The following LACTB variants were observed in gnomAD, a reference collection of about 807,000 sequenced individuals.
LACTB encodes lactamase beta, also known as serine beta-lactamase-like protein LACTB, mitochondrial.
LACTB carries 35 observed loss-of-function variants against 50.2 expected under a neutral mutation model. The observed-to-expected ratio is 0.70, with a 90% CI of 0.53 to 0.92. The LOEUF is 0.92. LACTB is among the 40% of genes least tolerant of loss of function. The pLI, the probability that LACTB is intolerant of heterozygous loss-of-function variation, is 0.00. For missense variants in LACTB, 664 were observed against 691.8 expected, an observed-to-expected ratio of 0.96 and a Z score of 0.45; for synonymous variants, 252 against 268.2, an observed-to-expected ratio of 0.94 and a Z score of 0.59.
intron 5 of LACTB, among the ~76,000 whole-genome samples, chr15:63,134,838 G>GTT (rs2037162400): frequency 6.6e-6 from 1 of 151,502 alleles, no homozygotes; most frequent in South Asian, 2.1e-4. Context: ...GTGTGTGTGT[G>GTT]TTTTCATTCA....
At chr15:63,130,515 G>GAAAAAAAAAAAA (rs34509023) in intron 5 of LACTB, 1 of 90,848 alleles carries the variant, frequency 1.1e-5, no homozygotes. Context: ...GTCAAAAAAG[G>GAAAAAAAAAAAA]AAAAAAAAAA....
chr15:63,130,573 T>C (rs2652822), intron 5 of LACTB: 60,911 of 151,356 alleles, frequency 0.4, 13,319 homozygotes, highest in Non-Finnish European at 0.51. Context: ...ATGCTTTTAT[T>C]AAATCTACAG....
intron 5 of LACTB, 192 bp from the exon 6 acceptor site, chr15:63,141,088 A>T (rs1330829776): frequency 3.1e-6 from 3 of 983,454 alleles, no homozygotes; most frequent in Non-Finnish European, 3.6e-6. Flanking sequence ...AGGTAATTAG[A>T]CTATCTTACT....
chr15:63,142,032 A>G lies in LACTB; in HGVS notation c.*227A>G. On this transcript the variant is annotated 3_prime_UTR_variant, in exon 6 of 6. Transcript: ENST00000261893. Reference sequence around the variant, plus strand: ...TTTTTACTTTTTGAAAAAAGTGTTAACTCTTGAAATAAAATATTCTGATAA... The same window carrying G: ...TTTTTACTTTTTGAAAAAAGTGTTAGCTCTTGAAATAAAATATTCTGATAA... 1 of 446,274 alleles carries G rather than the reference A, an allele frequency of 2.2e-6. No individual in the cohort carries two copies. The highest frequency in any genetic ancestry group is 3.3e-5 in the East Asian group (1 of 29,934). The allele number at this position is 446,274 out of a possible 1,614,324, so 27.6% of individuals were successfully genotyped here. A position where few individuals can be genotyped will look rare whatever the true frequency, so the allele number is the denominator to read the frequency against.
At chr15:63,141,134 T>G (rs779005529) in intron 5 of LACTB, 146 bp from the exon 6 acceptor site, 2 of 1,428,824 alleles carry the variant, frequency 1.4e-6, no homozygotes, top group Non-Finnish European at 1.8e-6. Flanking sequence ...TGAATCATAC[T>G]GAAAATTAGT....
chr15:63,122,012 GC>G lies in LACTB; in HGVS notation c.142del (p.Leu48TrpfsTer7). The G allele has an allele frequency of 7.2e-7, 1 of 1,395,824 alleles. No homozygotes were observed. The highest frequency in any genetic ancestry group is 9.2e-7 in the Non-Finnish European group (1 of 1,084,330). The allele number at this position is 1,395,824 out of a possible 1,614,324, so 86.5% of individuals were successfully genotyped here. A position where few individuals can be genotyped will look rare whatever the true frequency, so the allele number is the denominator to read the frequency against. ...HGWVGGLGLGLGLALGVKLAG... is the reference protein window; with the variant it reads ...HGWVGGLGLGXGLALGVKLAG... The stretch of plus-strand genomic sequence containing the variant: ...GCTGGGTCGGGGGCCTCGGGCTGGG[GC>G]TGGGGCTGGCGCTCGGGGTGAAGCT... On this transcript the variant is annotated frameshift_variant, in exon 1 of 6. Transcript: ENST00000261893. LOFTEE classifies it high-confidence loss of function.
Position 63,122,233 on chromosome 15 carries a change from G to A in LACTB, c.357+5G>A. Reference sequence around the variant, plus strand: ...GACCTGCTGCACAGGATCAAGGTGCGGCCACTGGAGCGGGGGGCGTAGGGG... The same window carrying A: ...GACCTGCTGCACAGGATCAAGGTGCAGCCACTGGAGCGGGGGGCGTAGGGG... On this transcript the variant is annotated splice_donor_5th_base_variant and intron_variant, in intron 1 of 5. Transcript: ENST00000261893. 2.6e-6 allele frequency: 4 copies of A among 1,550,474 alleles called. No individual in the cohort carries two copies. The highest frequency in any genetic ancestry group is 1.4e-5 in the African/African-American group (1 of 73,462).
At position 63,141,598 on chromosome 15, in the gene LACTB, A is replaced by G. The variant is rs749344947; in HGVS notation, c.1437A>G (p.Gln479=). The G allele has an allele frequency of 1.2e-6, 2 of 1,614,194 alleles. No individual in the cohort carries two copies. Among genetic ancestry groups the G allele is most frequent in the Non-Finnish European group, 1.7e-6 (2 of 1,180,024 alleles). ...RKQTYGSCRK[Q]RHYASHTGGA... ...AAACGTATGGTTCGTGTAGAAAGCA[A>G]CGGCATTATGCTTCACATACTGGAG... Residue 479 remains glutamine (Q), a synonymous_variant, in exon 6 of 6, where the codon CAA becomes CAG. Transcript: ENST00000261893.
Position 63,140,909 on chromosome 15 carries a change from C to G in LACTB, c.1119-371C>G, listed in dbSNP as rs898010645. Reference sequence around the variant, plus strand: ...TTTGTGGCACGATGCAACATTAACCCCAAGGACAAGGAATATCTACCAAAT... The same window carrying G: ...TTTGTGGCACGATGCAACATTAACCGCAAGGACAAGGAATATCTACCAAAT... On this transcript the variant is annotated intron_variant, in intron 5 of 5. Coordinates refer to ENST00000261893, the MANE Select transcript of LACTB (RefSeq NM_032857.5). 3 of 644,174 alleles carry G rather than the reference C, an allele frequency of 4.7e-6. No homozygotes were observed. The African/African-American group carries it at 5.9e-5, about 13-fold the overall frequency. The allele number at this position is 644,174 out of a possible 1,614,324, so 39.9% of individuals were successfully genotyped here.
intron 2 of LACTB, among the ~76,000 whole-genome samples, chr15:63,124,521 A>C (rs1029787765): frequency 6.6e-6 from 1 of 152,044 alleles, no homozygotes; most frequent in Non-Finnish European, 1.5e-5. Context: ...TTTCAAACAG[A>C]AGGCAAAAAA....
intron 4 of LACTB, among the ~76,000 whole-genome samples, chr15:63,128,788 G>A (rs2037090977): frequency 6.6e-6 from 1 of 151,988 alleles, no homozygotes; most frequent in Non-Finnish European, 1.5e-5. Context: ...CTGTCACCCA[G>A]GCTGGAGTAC....
intron 5 of LACTB, among the ~76,000 whole-genome samples, chr15:63,137,319 G>A (rs1274274946): frequency 1.3e-5 from 2 of 152,124 alleles, no homozygotes; most frequent in African/African-American, 4.8e-5. Flanking sequence ...GGAATCCTCA[G>A]TCAATGCCTC....
At chr15:63,140,893 C>T (rs541924965) in intron 5 of LACTB, 3 of 458,874 alleles carry the variant, frequency 6.5e-6, no homozygotes, top group African/African-American at 2.1e-5. Context: ...ATTTGTGGCA[C>T]GATGCAACAT....
At chr15:63,133,819 G>A (rs547311542) in intron 5 of LACTB, among the ~76,000 whole-genome samples, 1 of 152,160 alleles carries the variant, frequency 6.6e-6, no homozygotes, top group Non-Finnish European at 1.5e-5. Context: ...AGCTTATTTT[G>A]TAGAGAAAAA....
At chr15:63,141,245 GAAATTTTT>G in intron 5 of LACTB, 27 bp from the exon 6 acceptor site, 1 of 1,552,838 alleles carries the variant, frequency 6.4e-7, no homozygotes, top group Non-Finnish European at 8.7e-7. Flanking sequence ...CAGTGACTAT[GAAATTTTT>G]CATGATCATT....
intron 5 of LACTB, 80 bp from the exon 6 acceptor site, chr15:63,141,200 T>C: frequency 6.7e-7 from 1 of 1,481,652 alleles, no homozygotes; most frequent in Non-Finnish European, 9.0e-7. Context: ...ACAATCTCTC[T>C]CATGTATACA....
intron 5 of LACTB, among the ~76,000 whole-genome samples, chr15:63,136,768 T>A (rs999297443): frequency 2.0e-5 from 3 of 152,176 alleles, no homozygotes; most frequent in Non-Finnish European, 2.9e-5. Flanking sequence ...ATGTTTGGAT[T>A]CATTTGTTTT....
intron 5 of LACTB, among the ~76,000 whole-genome samples, chr15:63,133,525 A>G (rs1415422339): frequency 6.6e-6 from 1 of 152,146 alleles, no homozygotes; most frequent in African/African-American, 2.4e-5. Context: ...TCAGGAGGAG[A>G]GGATCACTTG....
chr15:63,125,292 C>T (rs140015549), intron 2 of LACTB, among the ~76,000 whole-genome samples: 5,056 of 151,920 alleles, frequency 0.033, 244 homozygotes, highest in African/African-American at 0.11. Flanking sequence ...CTCGTCCTCC[C>T]GATTAGCTGG....
Sources: allele counts gnomAD v4.1 joint callset (sites outside exome capture counted in the v4.1 genomes callset), GRCh38; gene constraint gnomAD v4.1.1; transcripts MANE v1.5; gene names NCBI Gene and HGNC (gene_info 2026-07-23, HGNC 2026-07-21).